The following LYPLAL1 variants were observed in gnomAD, a reference collection of about 807,000 sequenced individuals.
LYPLAL1 encodes lysophospholipase-like protein 1.
LYPLAL1 carries 23 observed loss-of-function variants against 19.7 expected under a neutral mutation model. That is an observed-to-expected ratio of 1.17 (90% CI 0.84 to 1.65). LYPLAL1 has a LOEUF of 1.65. Among genes scored for constraint, LYPLAL1 ranks in the 40% most tolerant of loss-of-function variants. The probability of loss-of-function intolerance (pLI) is 0.00; values close to 1 mark genes in which losing one functional copy is unlikely to be tolerated. For synonymous variants in LYPLAL1, 119 were observed against 96.3 expected, an observed-to-expected ratio of 1.24 and a Z score of -1.38; for missense variants, 355 against 279.4, an observed-to-expected ratio of 1.27 and a Z score of -1.93.
At chr1:219,383,925 T>C in the LYPLAL1 span, among the ~76,000 whole-genome samples, 3 of 152,216 alleles carry the variant, frequency 2.0e-5, no homozygotes, top group Non-Finnish European at 4.4e-5. Flanking sequence ...ATATAGTTCA[T>C]TTTCTGTTAG....
downstream of LYPLAL1, among the ~76,000 whole-genome samples, chr1:219,216,533 G>C (rs1041709674): frequency 2.0e-5 from 3 of 152,090 alleles, no homozygotes; most frequent in Non-Finnish European, 4.4e-5. Context: ...ATATGATACT[G>C]TCTGGATTGT....
the LYPLAL1 span, among the ~76,000 whole-genome samples, chr1:219,296,481 A>T: frequency 6.6e-6 from 1 of 152,164 alleles, no homozygotes; most frequent in Non-Finnish European, 1.5e-5. Context: ...CCAAAAGGGT[A>T]CTCAGGGTCT....
chr1:219,236,427 A>G, the LYPLAL1 span, among the ~76,000 whole-genome samples: 1 of 152,224 alleles, frequency 6.6e-6, no homozygotes, highest in African/African-American at 2.4e-5. Context: ...AAATATCTGC[A>G]TGGTTTTAGT....
chr1:219,225,149 A>G, the LYPLAL1 span, among the ~76,000 whole-genome samples: 1 of 152,026 alleles, frequency 6.6e-6, no homozygotes, highest in South Asian at 2.1e-4. Context: ...GGCCCTAAGC[A>G]CTCATCCTAG....
At chr1:219,282,043 A>G in the LYPLAL1 span, among the ~76,000 whole-genome samples, 2 of 152,038 alleles carry the variant, frequency 1.3e-5, no homozygotes, top group Admixed American at 1.3e-4. Context: ...AAACCCCATA[A>G]AACAAACAAA....
At chr1:219,203,127 T>C (rs1044526623) in intron 3 of LYPLAL1, among the ~76,000 whole-genome samples, 1 of 152,226 alleles carries the variant, frequency 6.6e-6, no homozygotes, top group Non-Finnish European at 1.5e-5. Flanking sequence ...TCTGATTTAA[T>C]GTAAGACAGT....
At chr1:219,374,388 C>A in the LYPLAL1 span, among the ~76,000 whole-genome samples, 1 of 152,044 alleles carries the variant, frequency 6.6e-6, no homozygotes. Context: ...CGTCCAGTGC[C>A]TGGGACCTAT....
chr1:219,336,842 CAAT>C, the LYPLAL1 span, among the ~76,000 whole-genome samples: 2 of 151,962 alleles, frequency 1.3e-5, no homozygotes, highest in Non-Finnish European at 2.9e-5. Context: ...AAATCTGCCT[CAAT>C]ATTATTTTGA....
the LYPLAL1 span, among the ~76,000 whole-genome samples, chr1:219,348,083 A>G: frequency 9.6e-4 from 146 of 152,350 alleles, no homozygotes; most frequent in African/African-American, 3.4e-3. Context: ...AGCACTGCTA[A>G]CCTGGCCAAG....
At chr1:219,260,120 G>A in the LYPLAL1 span, among the ~76,000 whole-genome samples, 1 of 151,630 alleles carries the variant, frequency 6.6e-6, no homozygotes, top group African/African-American at 2.4e-5. Flanking sequence ...AAAATGAAGA[G>A]GAAATATCAA....
chr1:219,439,974 C>CATATATATATACAT, the LYPLAL1 span, among the ~76,000 whole-genome samples: 3 of 100,178 alleles, frequency 3.0e-5, no homozygotes, highest in African/African-American at 1.3e-4. Context: ...TATATATATA[C>CATATATATATACAT]ATATATATAT....
the LYPLAL1 span, among the ~76,000 whole-genome samples, chr1:219,419,592 C>CAGAGAGAGAGAGAGAGAGAGAGAG: frequency 4.5e-4 from 28 of 62,774 alleles, no homozygotes; most frequent in African/African-American, 1.2e-3. Flanking sequence ...CACACACACA[C>CAGAGAGAGAGAGAGAGAGAGAGAG]ACAGAGAGAG....
the LYPLAL1 span, among the ~76,000 whole-genome samples, chr1:219,235,822 G>A: frequency 6.6e-6 from 1 of 152,148 alleles, no homozygotes; most frequent in Non-Finnish European, 1.5e-5. Flanking sequence ...GTGCATTTTT[G>A]TAAGGAGCCC....
the LYPLAL1 span, among the ~76,000 whole-genome samples, chr1:219,323,277 A>G: frequency 6.6e-6 from 1 of 152,152 alleles, no homozygotes; most frequent in African/African-American, 2.4e-5. Context: ...ATGAACTAGG[A>G]AAAAAAGACC....
the LYPLAL1 span, among the ~76,000 whole-genome samples, chr1:219,259,423 A>G: frequency 1.4e-5 from 2 of 144,626 alleles, no homozygotes; most frequent in Non-Finnish European, 3.0e-5. Context: ...ATATATATAT[A>G]TATATATGTA....
chr1:219,442,835 G>A, the LYPLAL1 span, among the ~76,000 whole-genome samples: 1,956 of 152,242 alleles, frequency 0.013, 37 homozygotes, highest in African/African-American at 0.044. Context: ...ATGATGGTAA[G>A]AAAGTTTTGT....
chr1:219,306,801 C>CATAG, the LYPLAL1 span, among the ~76,000 whole-genome samples: 5 of 114,698 alleles, frequency 4.4e-5, no homozygotes, highest in Admixed American at 9.4e-5. Flanking sequence ...TAGACAGATG[C>CATAG]ATAGATAGAT....
chr1:219,434,291 T>C, the LYPLAL1 span, among the ~76,000 whole-genome samples: 4 of 152,204 alleles, frequency 2.6e-5, no homozygotes, highest in African/African-American at 9.7e-5. Flanking sequence ...ATTATTAGAG[T>C]GAACAATGCT....
chr1:219,229,741 G>C, the LYPLAL1 span, among the ~76,000 whole-genome samples: 1 of 152,162 alleles, frequency 6.6e-6, no homozygotes, highest in Non-Finnish European at 1.5e-5. Flanking sequence ...TGCTCTCCTA[G>C]AGGTTTGAGC....
Sources: gnomAD v4.1 joint callset for allele counts (sites outside exome capture counted in the v4.1 genomes callset) on GRCh38, gnomAD v4.1.1 for gene constraint, MANE v1.5 for transcripts, NCBI Gene and HGNC (gene_info 2026-07-23, HGNC 2026-07-21) for gene names.